The following NAALAD2 variants were observed in gnomAD, a reference collection of about 807,000 sequenced individuals.
NAALAD2 encodes N-acetylated alpha-linked acidic dipeptidase 2.
A neutral mutation model predicts 95.6 loss-of-function variants in NAALAD2; 89 were observed. The ratio of observed to expected loss-of-function variants is 0.93; its 90% CI spans 0.78 to 1.11. The LOEUF (loss-of-function observed/expected upper bound fraction) is 1.11. Among genes scored for constraint, NAALAD2 ranks in the 50% least tolerant of loss-of-function variants. NAALAD2 has a pLI of 0.00. For synonymous variants in NAALAD2, 264 were observed against 294.4 expected (o/e 0.90, Z 1.06); for missense variants, 894 against 872.4 (o/e 1.02, Z -0.31).
In NAALAD2 at chr11:90,158,196, C is replaced by G. The variant is rs1174443506; in HGVS notation, c.848C>G (p.Pro283Arg). The G allele has an allele frequency of 6.2e-7, 1 of 1,610,926 alleles. No individual in the cohort carries two copies. The highest frequency in any genetic ancestry group is 1.1e-5 in the South Asian group (1 of 90,516). The change falls in exon 7 of 19, where the codon CCT (proline) becomes CGT (arginine). Residue 283 changes from proline to arginine, a missense_variant. By Grantham distance (103) the Pro-to-Arg change is moderately radical. Transcript: ENST00000534061. Reference protein sequence around the residue: ...VEEGVGIPRIPVHPIGYNDAE... With the variant: ...VEEGVGIPRIRVHPIGYNDAE... ...GAAGGAGTGGGAATCCCCCGAATAC[C>G]TGTACATCCCATTGGATATAATGAT...
intron 2 of NAALAD2, among the ~76,000 whole-genome samples, chr11:90,137,385 A>C (rs892823193): frequency 6.6e-6 from 1 of 151,808 alleles, no homozygotes; most frequent in Non-Finnish European, 1.5e-5. Context: ...AACTCAAAGA[A>C]ATGATAAATG....
In NAALAD2 at chr11:90,173,863, T is replaced by C. The variant is rs1345412065; in HGVS notation, c.1450T>C (p.Tyr484His). The C allele has an allele frequency of 6.2e-7, 1 of 1,613,200 alleles. No individual in the cohort carries two copies. The highest frequency in any genetic ancestry group is 1.1e-5 in the South Asian group (1 of 91,012). Reference protein sequence around the residue: ...PDDGFESKSLYESWLEKDPSP... With the variant: ...PDDGFESKSLHESWLEKDPSP... ...TGATGGGTTTGAGAGTAAATCACTG[T>C]ATGAAAGCTGGTTGGAAAAAGACCC... Residue 484 changes from tyrosine to histidine, a missense_variant, in exon 14 of 19, where the codon TAT becomes CAT. Coordinates refer to ENST00000534061, the MANE Select transcript of NAALAD2 (RefSeq NM_005467.4).
At chr11:90,187,776 C>G (rs972374075) in intron 18 of NAALAD2, among the ~76,000 whole-genome samples, 5 of 152,020 alleles carry the variant, frequency 3.3e-5, no homozygotes, top group Non-Finnish European at 7.4e-5. Context: ...GGAGAGATTA[C>G]CAAATCTGTA....
chr11:90,170,195 T>G, intron 13 of NAALAD2, 59 bp downstream of exon 13: 1 of 1,004,876 alleles, frequency 1.0e-6, no homozygotes, highest in Non-Finnish European at 1.6e-6. Flanking sequence ...GAATAACGTG[T>G]GTTCCCCCCT....
At chr11:90,183,415 G>T (rs538847658) in intron 18 of NAALAD2, among the ~76,000 whole-genome samples, 1 of 152,084 alleles carries the variant, frequency 6.6e-6, no homozygotes, top group East Asian at 1.9e-4. Flanking sequence ...CTTTATGAAA[G>T]GTCTAATTAT....
intron 18 of NAALAD2, among the ~76,000 whole-genome samples, chr11:90,186,805 C>T (rs1297558731): frequency 1.9e-4 from 27 of 144,708 alleles, no homozygotes; most frequent in African/African-American, 6.4e-4. Context: ...GCAATGGCAA[C>T]AAAAGACAAA....
rs115877499 is a variant in NAALAD2, at chr11:90,173,248, T to C, written c.1411-576T>C. Reference sequence around the variant, plus strand: ...GTAGAAATCTGAGGTTATGTAGAGTTTTTTAAAAAATCCATAAAATTTTAA... The same window carrying C: ...GTAGAAATCTGAGGTTATGTAGAGTCTTTTAAAAAATCCATAAAATTTTAA... On this transcript the variant is annotated intron_variant, in intron 13 of 18. Coordinates refer to ENST00000534061, the MANE Select transcript of NAALAD2 (RefSeq NM_005467.4). 5.1e-3 allele frequency among the ~76,000 whole-genome samples: 781 copies of C among 152,212 alleles called. 7 individuals are homozygous for C. Among genetic ancestry groups the C allele is most frequent in the African/African-American group, 0.018 (752 of 41,556 alleles).
intron 6 of NAALAD2, among the ~76,000 whole-genome samples, chr11:90,155,386 A>G (rs1343209764): frequency 2.5e-5 from 2 of 80,010 alleles, no homozygotes; most frequent in African/African-American, 5.9e-5. Flanking sequence ...CATATTATAC[A>G]TGTAATATAT....
intron 18 of NAALAD2, among the ~76,000 whole-genome samples, chr11:90,183,997 G>C (rs1300937833): frequency 6.6e-6 from 1 of 151,826 alleles, no homozygotes; most frequent in Non-Finnish European, 1.5e-5. Flanking sequence ...TTTTCTCAAG[G>C]TCCTTCTAAA....
chr11:90,135,796 CTT>C (rs59013316), intron 2 of NAALAD2, 126 bp downstream of exon 2: 83,292 of 475,830 alleles, frequency 0.18, 3,595 homozygotes, highest in Admixed American at 0.33. Flanking sequence ...TAGTCATCAA[CTT>C]TTTTTTTTTT....
chr11:90,182,302 T>A (rs1952997971), intron 17 of NAALAD2, among the ~76,000 whole-genome samples: 1 of 152,168 alleles, frequency 6.6e-6, no homozygotes, highest in African/African-American at 2.4e-5. Context: ...ACATTTATTT[T>A]TTCAGATGTA....
chr11:90,145,841 G>A (rs1386177416), intron 2 of NAALAD2, among the ~76,000 whole-genome samples: 1 of 152,196 alleles, frequency 6.6e-6, no homozygotes, highest in Non-Finnish European at 1.5e-5. Flanking sequence ...CTCAGTGACA[G>A]AGAGTAGAGG....
At chr11:90,174,297 T>TTCCAACCTGGGCAAC (rs1393094994) in intron 14 of NAALAD2, among the ~76,000 whole-genome samples, 1 of 151,728 alleles carries the variant, frequency 6.6e-6, no homozygotes, top group Non-Finnish European at 1.5e-5. Flanking sequence ...TGCCATTGCA[T>TTCCAACCTGGGCAAC]TCCAACCTGG....
intron 18 of NAALAD2, among the ~76,000 whole-genome samples, chr11:90,186,349 G>T (rs1309955199): frequency 6.6e-6 from 1 of 152,156 alleles, no homozygotes; most frequent in Non-Finnish European, 1.5e-5. Context: ...CCCTACAAAA[G>T]ACATGAACTC....
chr11:90,176,159 G>A (rs913243539), intron 15 of NAALAD2, 97 bp downstream of exon 15: 23 of 883,468 alleles, frequency 2.6e-5, no homozygotes, highest in East Asian at 7.9e-5. Flanking sequence ...CCTGGTGGAT[G>A]TGGCCTGGGA....
At chr11:90,134,554 C>T, upstream of NAALAD2, 1 of 565,834 alleles carries the variant, frequency 1.8e-6, no homozygotes, top group Non-Finnish European at 3.2e-6. Flanking sequence ...GGAAGAATGT[C>T]TCCTCCCTCT....
chr11:90,134,539 C>A, upstream of NAALAD2: 1 of 544,248 alleles, frequency 1.8e-6, no homozygotes, highest in Non-Finnish European at 3.3e-6. Context: ...AGTTGCCCGC[C>A]AACAGGAAGA....
At position 90,147,820 on chromosome 11, in the gene NAALAD2, G is replaced by C. The variant is rs184669568; in HGVS notation, c.381+304G>C. Among the ~76,000 whole-genome samples, 76 of 152,312 alleles carry C rather than the reference G, an allele frequency of 5.0e-4. 2 individuals are homozygous for C. The highest frequency in any genetic ancestry group is 1.8e-3 in the African/African-American group (75 of 41,556). ...GTCACTCAGCCCAGCCTGGGAGTTAGACAATGTTTCCTGAAGTCTTGACAC... is the reference window on the plus strand; with the variant it reads ...GTCACTCAGCCCAGCCTGGGAGTTACACAATGTTTCCTGAAGTCTTGACAC... On this transcript the variant is annotated intron_variant, in intron 3 of 18. Transcript: ENST00000534061.
intron 11 of NAALAD2, among the ~76,000 whole-genome samples, chr11:90,168,619 C>T (rs1307974300): frequency 6.6e-6 from 1 of 152,170 alleles, no homozygotes; most frequent in East Asian, 1.9e-4. Context: ...AGCCACATCC[C>T]TGCATAGTCT....
Sources: allele counts gnomAD v4.1 joint callset (sites outside exome capture counted in the v4.1 genomes callset), GRCh38; gene constraint gnomAD v4.1.1; transcripts MANE v1.5; gene names NCBI Gene and HGNC (gene_info 2026-07-23, HGNC 2026-07-21).